Variants in PLEKHH2 observed in about 807,000 individuals in gnomAD.
PLEKHH2 encodes the protein pleckstrin homology, MyTH4 and FERM domain containing H2.
In PLEKHH2, 129 loss-of-function variants were observed where a neutral mutation model predicts 187.9. That is an observed-to-expected ratio of 0.69 (90% CI 0.59 to 0.79). The LOEUF is 0.79. PLEKHH2 is among the 30% of genes least tolerant of loss of function. The pLI is 0.00. For synonymous variants in PLEKHH2, 686 were observed against 605.6 expected (o/e 1.13, Z -1.95); for missense variants, 2,076 against 1,751.2 (o/e 1.19, Z -3.31).
chr2:43,651,336 A>C, intron 2 of PLEKHH2, among the ~76,000 whole-genome samples: 1 of 150,984 alleles, frequency 6.6e-6, no homozygotes, highest in South Asian at 2.1e-4. Context: ...CAAAGTGCTG[A>C]GATTATAGGC....
chr2:43,637,726 G>A (rs1171934417), intron 1 of PLEKHH2, among the ~76,000 whole-genome samples: 1 of 152,190 alleles, frequency 6.6e-6, no homozygotes, highest in Non-Finnish European at 1.5e-5. Context: ...GCGCAGCGGG[G>A]CAGCCCAGGG....
Position 43,740,019 on chromosome 2 carries a change from G to T in PLEKHH2, c.3124-927G>T, listed in dbSNP as rs1252779169. Among the ~76,000 whole-genome samples the T allele has an allele frequency of 3.3e-5, 5 of 152,264 alleles. 1 individual carries two copies. In the East Asian group the frequency reaches 9.6e-4, roughly 29 times the overall value. On this transcript the variant is annotated intron_variant, in intron 20 of 29. Transcript: ENST00000282406. Reference sequence around the variant, plus strand: ...ATAACTGTCTCCTACTAGACTGTAGGTTCCTTAAGGGCAGGGACAATGCCT... The same window carrying T: ...ATAACTGTCTCCTACTAGACTGTAGTTTCCTTAAGGGCAGGGACAATGCCT...
chr2:43,742,722 C>A lies in PLEKHH2; in HGVS notation c.3222-19C>A. The stretch of plus-strand genomic sequence containing the variant: ...AATTAAATTTATTCTTAGATTTTAT[C>A]TTAAGTTTTGTATTACAGGACAGAA... On this transcript the variant is annotated intron_variant, in intron 21 of 29. Transcript: ENST00000282406. The A allele has an allele frequency of 6.7e-7, 1 of 1,492,446 alleles. No homozygotes were observed. The highest frequency in any genetic ancestry group is 9.0e-7 in the Non-Finnish European group (1 of 1,116,992). The allele number at this position is 1,492,446 out of a possible 1,614,324, so 92.5% of individuals were successfully genotyped here. A position where few individuals can be genotyped will look rare whatever the true frequency, so the allele number is the denominator to read the frequency against.
intron 2 of PLEKHH2, among the ~76,000 whole-genome samples, chr2:43,670,253 A>G (rs1452389750): frequency 1.3e-5 from 2 of 152,222 alleles, no homozygotes; most frequent in African/African-American, 2.4e-5. Flanking sequence ...TATCAAGGAA[A>G]GCACATATGA....
At chr2:43,658,108 T>A (rs1173246834) in intron 2 of PLEKHH2, among the ~76,000 whole-genome samples, 1 of 152,234 alleles carries the variant, frequency 6.6e-6, no homozygotes, top group South Asian at 2.1e-4. Context: ...TTTCATTTTT[T>A]AAAATAAAAC....
intron 15 of PLEKHH2, among the ~76,000 whole-genome samples, chr2:43,717,892 A>G (rs1670289672): frequency 6.6e-6 from 1 of 152,226 alleles, no homozygotes; most frequent in African/African-American, 2.4e-5. Flanking sequence ...CATCATAAAC[A>G]CACCAAAAAA....
In PLEKHH2 at chr2:43,751,593, T is replaced by C. The variant is rs148351564; in HGVS notation, c.3654-2026T>C. ...CAATTTCCATCCCACAGTATTCAGCTTCCTGGGTGTCCAATGAGGAGGTGG... is the reference window on the plus strand; with the variant it reads ...CAATTTCCATCCCACAGTATTCAGCCTCCTGGGTGTCCAATGAGGAGGTGG... On this transcript the variant is annotated intron_variant, in intron 24 of 29. Transcript: ENST00000282406. Among the ~76,000 whole-genome samples the C allele has an allele frequency of 2.0e-4, 31 of 152,328 alleles. No homozygotes were observed. The East Asian group carries it at 6.0e-3, about 29-fold the overall frequency.
At chr2:43,645,851 G>T (rs1421731180) in intron 2 of PLEKHH2, among the ~76,000 whole-genome samples, 1 of 152,110 alleles carries the variant, frequency 6.6e-6, no homozygotes, top group Non-Finnish European at 1.5e-5. Flanking sequence ...AGAACTTACA[G>T]GTGGTTTCTG....
At chr2:43,691,310 C>T (rs954265497) in intron 3 of PLEKHH2, among the ~76,000 whole-genome samples, 2 of 152,194 alleles carry the variant, frequency 1.3e-5, no homozygotes, top group Non-Finnish European at 2.9e-5. Flanking sequence ...GTGGTCCCCC[C>T]ACCCGAAGCA....
At chr2:43,644,880 G>A (rs1459276731) in intron 2 of PLEKHH2, 84 bp downstream of exon 2, 24 of 1,359,608 alleles carry the variant, frequency 1.8e-5, no homozygotes, top group Admixed American at 2.5e-5. Flanking sequence ...CAGTACTTTG[G>A]GGGTTTGATT....
intron 25 of PLEKHH2, among the ~76,000 whole-genome samples, chr2:43,755,243 G>A (rs1282745552): frequency 6.6e-6 from 1 of 152,038 alleles, no homozygotes; most frequent in Admixed American, 6.6e-5. Flanking sequence ...TCCTCTTTAT[G>A]ATACTGCCTC....
rs151217924 is a variant in PLEKHH2, at chr2:43,712,312, C to T, written c.2389C>T (p.Arg797Ter). The T allele has an allele frequency of 3.1e-6, 5 of 1,613,774 alleles. No individual in the cohort carries two copies. Among genetic ancestry groups the T allele is most frequent in the African/African-American group, 2.7e-5 (2 of 74,914 alleles). The part of the protein sequence containing the change: ...EWIKVLQNVL[R>*]VQAANPLSLQ... Reference sequence around the variant, plus strand: ...GATTAAAGTGTTACAGAATGTTCTTCGAGTACAAGCTGCCAACCCACTTTC... The same window carrying T: ...GATTAAAGTGTTACAGAATGTTCTTTGAGTACAAGCTGCCAACCCACTTTC... Residue 797 changes from arginine (R) to a stop codon, truncating the protein, a stop_gained, in exon 15 of 30, where the codon CGA becomes TGA. Transcript: ENST00000282406. LOFTEE classifies it high-confidence loss of function.
Position 43,758,613 on chromosome 2 carries a change from G to A in PLEKHH2, c.3942-287G>A, listed in dbSNP as rs114238252. ...GAAATTATCTTTTAAACTAATTTAC[G>A]CTAAGTTTTGATGGTAGATATTCAG... On this transcript the variant is annotated intron_variant, in intron 26 of 29. Coordinates refer to ENST00000282406, the MANE Select transcript of PLEKHH2 (RefSeq NM_172069.4). Among the ~76,000 whole-genome samples, 688 of 152,212 alleles carry A rather than the reference G, an allele frequency of 4.5e-3. 4 individuals are homozygous for A. Among genetic ancestry groups the A allele is most frequent in the African/African-American group, 0.015 (617 of 41,538 alleles).
intron 1 of PLEKHH2, among the ~76,000 whole-genome samples, chr2:43,639,717 C>T (rs1703282542): frequency 7.4e-6 from 1 of 134,358 alleles, no homozygotes; most frequent in South Asian, 2.3e-4. Context: ...AGTGCAATGG[C>T]AGGATCTCAG....
intron 24 of PLEKHH2, among the ~76,000 whole-genome samples, chr2:43,753,007 G>A (rs1672068936): frequency 6.6e-6 from 1 of 152,108 alleles, no homozygotes; most frequent in Non-Finnish European, 1.5e-5. Flanking sequence ...CCCCTTATTT[G>A]ATGTTGATTT....
intron 15 of PLEKHH2, among the ~76,000 whole-genome samples, chr2:43,718,047 G>T (rs536302199): frequency 2.8e-4 from 42 of 152,296 alleles, no homozygotes; most frequent in African/African-American, 9.9e-4. Flanking sequence ...GCAGTGGCAA[G>T]GGCTAATTGG....
At position 43,700,109 on chromosome 2, in the gene PLEKHH2, A is replaced by G. The variant is rs774941740; in HGVS notation, c.1151A>G (p.Asp384Gly). 1.9e-6 allele frequency: 3 copies of G among 1,614,062 alleles called. No homozygotes were observed. Among genetic ancestry groups the G allele is most frequent in the African/African-American group, 2.7e-5 (2 of 74,918 alleles). The change falls in exon 8 of 30, where the codon GAT (aspartate) becomes GGT (glycine). Residue 384 changes from aspartate to glycine, a missense_variant. Asp to Gly is a moderately conservative substitution (Grantham distance 94). Coordinates refer to ENST00000282406, the MANE Select transcript of PLEKHH2 (RefSeq NM_172069.4). ...AAAAAGGAACAAGATAGTTCCTCGGATGAACTGAATAAAAAATTTCAATCC... is the reference window on the plus strand; with the variant it reads ...AAAAAGGAACAAGATAGTTCCTCGGGTGAACTGAATAAAAAATTTCAATCC... ...LSKKEQDSSS[D>G]ELNKKFQSQR...
chr2:43,641,780 C>A (rs933050025), intron 1 of PLEKHH2, among the ~76,000 whole-genome samples: 2 of 152,186 alleles, frequency 1.3e-5, no homozygotes, highest in Non-Finnish European at 2.9e-5. Context: ...GATCTTATCA[C>A]TCTTGCCAAA....
At chr2:43,713,459 A>T (rs1027792973) in intron 15 of PLEKHH2, among the ~76,000 whole-genome samples, 57 of 152,160 alleles carry the variant, frequency 3.7e-4, no homozygotes, top group Non-Finnish European at 6.5e-4. Flanking sequence ...ACAACCATAT[A>T]ATGCTTTACT....
Sources: gnomAD v4.1 joint callset for allele counts (sites outside exome capture counted in the v4.1 genomes callset) on GRCh38, gnomAD v4.1.1 for gene constraint, MANE v1.5 for transcripts, NCBI Gene and HGNC (gene_info 2026-07-23, HGNC 2026-07-21) for gene names.